The following PTPRN2 variants were observed in gnomAD, a reference collection of about 807,000 sequenced individuals.
PTPRN2 encodes receptor-type tyrosine-protein phosphatase N2.
PTPRN2 carries 74 observed loss-of-function variants against 118.8 expected under a neutral mutation model. The ratio of observed to expected loss-of-function variants is 0.62; its 90% CI spans 0.52 to 0.76. PTPRN2 has a LOEUF of 0.76. Among genes scored for constraint, PTPRN2 ranks in the 30% least tolerant of loss-of-function variants. The pLI is 0.00. For synonymous variants in PTPRN2, 641 were observed against 608.0 expected, an observed-to-expected ratio of 1.05 and a Z score of -0.80; for missense variants, 1,481 against 1,394.4, an observed-to-expected ratio of 1.06 and a Z score of -0.99.
chr7:157,746,395 C>G (rs1800940472), intron 12 of PTPRN2, among the ~76,000 whole-genome samples: 1 of 150,580 alleles, frequency 6.6e-6, no homozygotes, highest in Admixed American at 6.6e-5. Context: ...CACGGGACTC[C>G]CCGCACCCCA....
At chr7:158,038,048 T>A (rs931485718) in intron 11 of PTPRN2, among the ~76,000 whole-genome samples, 17 of 152,222 alleles carry the variant, frequency 1.1e-4, no homozygotes, top group Admixed American at 3.3e-4. Context: ...GGGCTCTGTC[T>A]GGAGCTGGAT....
intron 2 of PTPRN2, among the ~76,000 whole-genome samples, chr7:158,325,894 A>G (rs1586268267): frequency 1.3e-5 from 2 of 152,390 alleles, no homozygotes; most frequent in East Asian, 3.9e-4. Flanking sequence ...TGCGGCTGCC[A>G]GCTGACCCTG....
intron 1 of PTPRN2, among the ~76,000 whole-genome samples, chr7:158,586,743 C>T (rs1253708185): frequency 6.6e-6 from 1 of 152,220 alleles, no homozygotes; most frequent in Non-Finnish European, 1.5e-5. Context: ...CTGATTTCGG[C>T]GGCGCTGCCC....
At chr7:157,819,963 C>G (rs1018285896) in intron 12 of PTPRN2, among the ~76,000 whole-genome samples, 2 of 151,742 alleles carry the variant, frequency 1.3e-5, no homozygotes. Context: ...ACAGCAGACC[C>G]AAACACGTTC....
chr7:158,310,109 T>C (rs770593268), intron 3 of PTPRN2, among the ~76,000 whole-genome samples: 3 of 152,184 alleles, frequency 2.0e-5, no homozygotes, highest in Non-Finnish European at 4.4e-5. Context: ...ATGTGATTTT[T>C]GTGACAGCAA....
intron 1 of PTPRN2, among the ~76,000 whole-genome samples, chr7:158,580,874 A>G (rs113973791): frequency 6.6e-6 from 1 of 152,176 alleles, no homozygotes; most frequent in African/African-American, 2.4e-5. Context: ...TGGGAAGGAC[A>G]AAAGTCTCCA....
chr7:158,167,269 C>A lies in PTPRN2; in HGVS notation c.572G>T (p.Ser191Ile). 2 of 1,605,322 alleles carry A rather than the reference C, an allele frequency of 1.2e-6. No individual in the cohort carries two copies. Among genetic ancestry groups the A allele is most frequent in the Non-Finnish European group, 8.5e-7 (1 of 1,175,446 alleles). The change falls in exon 6 of 23, where the codon AGC (serine) becomes ATC (isoleucine). Residue 191 changes from serine (S) to isoleucine (I), a missense_variant. Physicochemically the swap from Ser to Ile is moderately radical, Grantham distance 142. Coordinates refer to ENST00000389418, the MANE Select transcript of PTPRN2 (RefSeq NM_002847.5). ...PAEGDDRFSESILTYVAHTSA... is the reference protein window; with the variant it reads ...PAEGDDRFSEIILTYVAHTSA... The stretch of plus-strand genomic sequence containing the variant: ...CGTGTGGGCCACATAGGTCAGGATG[C>A]TCTCGGAGAAGCGGTCATCACCCTG...
chr7:158,079,040 A>G (rs1812598244), intron 11 of PTPRN2, among the ~76,000 whole-genome samples: 1 of 152,144 alleles, frequency 6.6e-6, no homozygotes, highest in Non-Finnish European at 1.5e-5. Flanking sequence ...ATGGGGTTTC[A>G]CCATATTGGT....
At chr7:158,302,070 A>T (rs1399056322) in intron 3 of PTPRN2, among the ~76,000 whole-genome samples, 1 of 152,216 alleles carries the variant, frequency 6.6e-6, no homozygotes, top group Non-Finnish European at 1.5e-5. Context: ...CTGGCAGTTA[A>T]ACTATGATGT....
At chr7:158,214,410 A>G (rs1383595241) in intron 3 of PTPRN2, among the ~76,000 whole-genome samples, 1 of 148,956 alleles carries the variant, frequency 6.7e-6, no homozygotes, top group African/African-American at 2.6e-5. Flanking sequence ...ACACACACAC[A>G]CACACACACA....
At chr7:158,162,390 G>A (rs138746695) in intron 6 of PTPRN2, among the ~76,000 whole-genome samples, 90 of 152,302 alleles carry the variant, frequency 5.9e-4, no homozygotes, top group Middle Eastern at 3.4e-3. Context: ...ACAATGGAGT[G>A]TTATGGATTA....
intron 1 of PTPRN2, among the ~76,000 whole-genome samples, chr7:158,495,459 G>A (rs953600929): frequency 6.6e-6 from 1 of 152,092 alleles, no homozygotes; most frequent in East Asian, 1.9e-4. Context: ...ATTCTCAGAT[G>A]TAAATGAGGA....
At chr7:158,500,687 G>T (rs1190042603) in intron 1 of PTPRN2, among the ~76,000 whole-genome samples, 1 of 152,264 alleles carries the variant, frequency 6.6e-6, no homozygotes, top group Non-Finnish European at 1.5e-5. Flanking sequence ...TCCACCCGCT[G>T]CCTCTCACTG....
At chr7:158,125,115 A>G (rs1322025681) in intron 9 of PTPRN2, among the ~76,000 whole-genome samples, 1 of 152,118 alleles carries the variant, frequency 6.6e-6, no homozygotes, top group East Asian at 1.9e-4. Context: ...CTGGCGAGAC[A>G]TGGCTCAGGC....
intron 2 of PTPRN2, among the ~76,000 whole-genome samples, chr7:158,373,640 C>G (rs558189050): frequency 6.6e-6 from 1 of 152,302 alleles, no homozygotes; most frequent in Admixed American, 6.5e-5. Context: ...GTTTTCTGTG[C>G]AATTAATGTG....
intron 12 of PTPRN2, among the ~76,000 whole-genome samples, chr7:157,747,477 C>A (rs13242120): frequency 9.2e-5 from 2 of 21,754 alleles, no homozygotes; most frequent in African/African-American, 1.4e-4. Flanking sequence ...GGGGTGTCCG[C>A]GTGATTCTGA....
chr7:158,071,959 G>A (rs1167172836), intron 11 of PTPRN2, among the ~76,000 whole-genome samples: 5 of 26,318 alleles, frequency 1.9e-4, no homozygotes, highest in East Asian at 1.9e-3. Flanking sequence ...GGAGGTGCTC[G>A]TCGTATGGAG....
intron 12 of PTPRN2, among the ~76,000 whole-genome samples, chr7:157,820,599 A>G (rs1806774148): frequency 6.7e-6 from 1 of 149,920 alleles, no homozygotes; most frequent in South Asian, 2.1e-4. Flanking sequence ...TCCCCCACAC[A>G]CGCATTCTTA....
intron 2 of PTPRN2, among the ~76,000 whole-genome samples, chr7:158,352,354 T>A (rs954031573): frequency 4.0e-5 from 6 of 150,716 alleles, no homozygotes; most frequent in African/African-American, 1.2e-4. Flanking sequence ...TCCTGTCCGC[T>A]CCCCTCCTGA....
Sources: gnomAD v4.1 joint callset for allele counts (sites outside exome capture counted in the v4.1 genomes callset) on GRCh38, gnomAD v4.1.1 for gene constraint, MANE v1.5 for transcripts, NCBI Gene and HGNC (gene_info 2026-07-23, HGNC 2026-07-21) for gene names.